The following CFAP65 variants were observed in gnomAD, a reference collection of about 807,000 sequenced individuals.
CFAP65 encodes cilia- and flagella-associated protein 65.
A neutral mutation model predicts 208.0 loss-of-function variants in CFAP65; 155 were observed. That is an observed-to-expected ratio of 0.75 (90% confidence interval 0.65 to 0.85). The LOEUF is 0.85. Ranked by LOEUF, CFAP65 falls within the 40% of genes least tolerant of loss-of-function variation. The probability of loss-of-function intolerance (pLI) is 0.00; values close to 1 mark genes in which losing one functional copy is unlikely to be tolerated. For missense variants in CFAP65, 2,294 were observed against 2,451.3 expected (o/e 0.94, Z 1.36); for synonymous variants, 970 against 986.3 (o/e 0.98, Z 0.31).
intron 13 of CFAP65, 79 bp from the exon 14 acceptor site, chr2:219,026,238 C>G: frequency 6.7e-7 from 1 of 1,483,334 alleles, no homozygotes. Context: ...CCCCTCCTTG[C>G]CCTTGTGCTG....
In CFAP65 at chr2:219,022,318, C is replaced by G. The variant is rs1282014277; in HGVS notation, c.2832G>C (p.Trp944Cys). ...TGGTCTCCTCCAAAGGGCTGAAGGT[C>G]CACGTCAGCGTCTGGGGTCACAGAA... ...IQPNERLTLT[W>C]TFSPLEETKY... Residue 944 changes from tryptophan (W) to cysteine (C), a missense_variant, in exon 17 of 35, where the codon TGG becomes TGC. By Grantham distance (215) the Trp-to-Cys change is radical (BLOSUM62 -2). This residue lies in a region of CFAP65 where 1,427 missense variants were observed against 1,438.7 expected (regional missense o/e 0.99). Coordinates refer to ENST00000341552, the MANE Select transcript of CFAP65 (RefSeq NM_194302.4). 6.2e-7 allele frequency: 1 copy of G among 1,602,368 alleles called. No individual in the cohort carries two copies. Among genetic ancestry groups the G allele is most frequent in the Non-Finnish European group, 8.5e-7 (1 of 1,174,736 alleles).
chr2:219,013,859 G>A lies in CFAP65; in HGVS notation c.3779+9C>T, dbSNP rs1199118057. The A allele has an allele frequency of 6.3e-7, 1 of 1,578,670 alleles. No individual in the cohort carries two copies. Among genetic ancestry groups the A allele is most frequent in the Non-Finnish European group, 8.6e-7 (1 of 1,161,640 alleles). ...TGGAAGTGCAGGGGGTTTGGGGGGT[G>A]GGGAACACCTGTATTTTAACTCCAC... On this transcript the variant is annotated intron_variant, in intron 22 of 34. Coordinates refer to ENST00000341552, the MANE Select transcript of CFAP65 (RefSeq NM_194302.4).
intron 12 of CFAP65, 54 bp from the exon 13 acceptor site, chr2:219,028,063 G>C: frequency 6.6e-7 from 1 of 1,522,628 alleles, no homozygotes. Flanking sequence ...TCTTGCTGTT[G>C]CCCCTCCTGG....
Position 219,004,402 on chromosome 2 carries a change from T to A in CFAP65, c.5105A>T (p.Glu1702Val). 1 of 1,613,958 alleles carries A rather than the reference T, an allele frequency of 6.2e-7. No individual in the cohort carries two copies. The highest frequency in any genetic ancestry group is 8.5e-7 in the Non-Finnish European group (1 of 1,179,954). The change falls in exon 33 of 35, where the codon GAG (glutamate) becomes GTG (valine). Residue 1702 changes from glutamate (E) to valine (V), a missense_variant. By Grantham distance (121) the Glu-to-Val change is moderately radical. Transcript: ENST00000341552. This position sits in a 1 kb window ranked among gnomAD's most constrained non-coding sequence, Gnocchi z 4.7. ...FHEAVDQSLV[E>V]QVPYFRQFWN... ...GAATTGGCGGAAGTACGGCACCTGC[T>A]CCACCAGGCTTTGGTCCACAGCCTC...
chr2:219,006,062 C>G lies in CFAP65; in HGVS notation c.4881G>C (p.Leu1627=). The G allele has an allele frequency of 6.2e-7, 1 of 1,613,416 alleles. No homozygotes were observed. Among genetic ancestry groups the G allele is most frequent in the African/African-American group, 1.3e-5 (1 of 75,064 alleles). ...AGGGAAACTCTGAGAAGAAGTTAGC[C>G]AGAAAGTAGTCGGTGGCATGGGCTC... ...TARAHATDYF[L]ANFFSEFPCH... The change falls in exon 31 of 35, where the codon CTG becomes CTC. Residue 1627 remains leucine, a synonymous_variant. Coordinates refer to ENST00000341552, the MANE Select transcript of CFAP65 (RefSeq NM_194302.4).
At chr2:219,022,127 G>T in intron 17 of CFAP65, 44 bp downstream of exon 17, 2 of 1,527,374 alleles carry the variant, frequency 1.3e-6, no homozygotes, top group Non-Finnish European at 1.8e-6. Context: ...CCACCTGTCC[G>T]GGCCTCTCCC....
chr2:219,011,028 A>G (rs1281241534), intron 24 of CFAP65, 32 bp from the exon 25 acceptor site: 1 of 1,573,132 alleles, frequency 6.4e-7, no homozygotes, highest in Non-Finnish European at 8.7e-7. Context: ...AAATTGCCAC[A>G]TCAGCTCAGC....
At chr2:219,021,974 G>A (rs1947293282) in intron 17 of CFAP65, 44 bp from the exon 18 acceptor site, 3 of 1,607,736 alleles carry the variant, frequency 1.9e-6, no homozygotes, top group East Asian at 2.2e-5. Flanking sequence ...GCTCCTCCAG[G>A]CCCACAGCCC....
rs1241737209 is a variant in CFAP65, at chr2:219,027,788, C to A, written c.2073G>T (p.Arg691Ser). ...GAGTCACCCAGAAGGGGCAGTCAGA[C>A]CTTCGCGTCCAGACCACCATGATCT... ...KGKIMVVWTR[R>S]SDCPFWVTPE... Residue 691 changes from arginine to serine, a missense_variant, in exon 13 of 35, where the codon AGG becomes AGT. Physicochemically the swap from Arg to Ser is moderately radical, Grantham distance 110. Coordinates refer to ENST00000341552, the MANE Select transcript of CFAP65 (RefSeq NM_194302.4). 6 of 1,613,534 alleles carry A rather than the reference C, an allele frequency of 3.7e-6. No homozygotes were observed. The highest frequency in any genetic ancestry group is 5.1e-6 in the Non-Finnish European group (6 of 1,179,580).
At position 219,004,048 on chromosome 2, in the gene CFAP65, G is replaced by A. The variant is rs770191945; in HGVS notation, c.5459C>T (p.Pro1820Leu). ...CCATTGCATGGACTCCTGGGACTCA[G>A]GCTGTGGTGTGGGCCCGATGCCCGC... ...SWAGIGPTPQ[P>L]ESQESMQWQW... is the part of the protein sequence containing the mutation. The change falls in exon 33 of 35, where the codon CCT becomes CTT. Residue 1820 changes from proline to leucine, a missense_variant. Transcript: ENST00000341552. This position sits in a 1 kb window ranked among gnomAD's most constrained non-coding sequence, Gnocchi z 4.7. 27 of 1,613,950 alleles carry A rather than the reference G, an allele frequency of 1.7e-5. No individual in the cohort carries two copies. Among genetic ancestry groups the A allele is most frequent in the Non-Finnish European group, 2.1e-5 (25 of 1,180,034 alleles).
Position 219,026,757 on chromosome 2 carries a change from G to C in CFAP65, c.2212-598C>G, listed in dbSNP as rs957443005. The C allele has an allele frequency of 1.3e-5, 13 of 986,000 alleles. No individual in the cohort carries two copies. In the South Asian group the frequency reaches 6.1e-4, roughly 46 times the overall value. The allele number at this position is 986,000 out of a possible 1,614,324, so 61.1% of individuals were successfully genotyped here. ...TAGCCACGTGTGGCTGTCAGTGGCT[G>C]TACTGGACTGTGCAGGTCTAGAGCC... On this transcript the variant is annotated intron_variant, in intron 13 of 34. Transcript: ENST00000341552.
Position 219,032,368 on chromosome 2 carries a change from G to T in CFAP65, c.645+102C>A. ...GGATTGCTGCTGGAGCGGGCAGCAT[G>T]TGTGTGTGCCGGGGCGCTCCTGGTT... On this transcript the variant is annotated intron_variant, in intron 6 of 34. Coordinates refer to ENST00000341552, the MANE Select transcript of CFAP65 (RefSeq NM_194302.4). The surrounding 1 kb of genome is among the most constrained non-coding windows in gnomAD (Gnocchi z 5.5). The T allele has an allele frequency of 1.0e-6, 1 of 960,962 alleles. No individual in the cohort carries two copies. The highest frequency in any genetic ancestry group is 1.6e-6 in the Non-Finnish European group (1 of 643,494). The allele number at this position is 960,962 out of a possible 1,614,324, so 59.5% of individuals were successfully genotyped here. A position where few individuals can be genotyped will look rare whatever the true frequency, so the allele number is the denominator to read the frequency against.
Position 219,003,933 on chromosome 2 carries a change from C to G in CFAP65, c.5555+19G>C. 6.2e-7 allele frequency: 1 copy of G among 1,601,100 alleles called. No homozygotes were observed. The highest frequency in any genetic ancestry group is 1.3e-5 in the African/African-American group (1 of 74,902). On this transcript the variant is annotated intron_variant, in intron 33 of 34. Transcript: ENST00000341552. This position sits in a 1 kb window ranked among gnomAD's most constrained non-coding sequence, Gnocchi z 4.4. ...GCACTTCGCCTCCCTCCCGTCCTCA[C>G]TGGGGCCTGGCTGCTCACCTTCTGA...
At chr2:219,041,449 T>C in intron 1 of CFAP65, 39 bp downstream of exon 1, 1 of 1,546,704 alleles carries the variant, frequency 6.5e-7, no homozygotes, top group South Asian at 1.2e-5. Context: ...CGCCGCTCCC[T>C]GAGACCCTGG....
chr2:219,025,479 C>T (rs1480755615), intron 14 of CFAP65, among the ~76,000 whole-genome samples: 4 of 152,142 alleles, frequency 2.6e-5, no homozygotes, highest in South Asian at 4.2e-4. Flanking sequence ...GATTGGAAGC[C>T]GGCGGTCTGG....
At chr2:219,024,301 C>T (rs1250246036) in intron 14 of CFAP65, 41 bp from the exon 15 acceptor site, 2 of 1,579,288 alleles carry the variant, frequency 1.3e-6, no homozygotes, top group African/African-American at 1.3e-5. Context: ...CCGCTCAGAC[C>T]TCCACCCTGG....
At chr2:219,028,046 C>T (rs1185647730) in intron 12 of CFAP65, 37 bp from the exon 13 acceptor site, 4 of 1,520,872 alleles carry the variant, frequency 2.6e-6, no homozygotes, top group African/African-American at 1.4e-5. Flanking sequence ...GGCTCAACTG[C>T]CATTCCTCTT....
At chr2:219,039,339 C>T (rs1948546559) in intron 2 of CFAP65, 1 of 218,964 alleles carries the variant, frequency 4.6e-6, no homozygotes, top group East Asian at 9.4e-5. Flanking sequence ...CTTTAGCTGG[C>T]TTCTTTTAGC....
At chr2:219,022,144 C>T in intron 17 of CFAP65, 27 bp downstream of exon 17, 1 of 1,542,980 alleles carries the variant, frequency 6.5e-7, no homozygotes, top group Non-Finnish European at 8.7e-7. Flanking sequence ...TCCCCCAGCC[C>T]CCTCCTGCCA....
Sources: allele counts gnomAD v4.1 joint callset (sites outside exome capture counted in the v4.1 genomes callset), GRCh38; gene constraint gnomAD v4.1.1; regional missense constraint gnomAD v4.1.1; non-coding constraint Gnocchi (gnomAD v3.1); transcripts MANE v1.5; gene names NCBI Gene and HGNC (gene_info 2026-07-23, HGNC 2026-07-21).